Variants in MAN2A1 observed in about 807,000 individuals in gnomAD.
The protein encoded by MAN2A1 is mannosidase alpha class 2A member 1.
MAN2A1 carries 76 observed loss-of-function variants against 142.6 expected under a neutral mutation model. The observed-to-expected ratio is 0.53, with a 90% CI of 0.44 to 0.65. MAN2A1 has a LOEUF of 0.65. MAN2A1 is among the 30% of genes least tolerant of loss of function. The pLI is 0.00. For missense variants in MAN2A1, 1,311 were observed against 1,365.1 expected (o/e 0.96, Z 0.62); for synonymous variants, 559 against 473.2 (o/e 1.18, Z -2.35).
In MAN2A1 at chr5:109,865,042, A is replaced by C. The variant is rs755466507; in HGVS notation, c.3178A>C (p.Asn1060His). 5.6e-6 allele frequency: 9 copies of C among 1,613,518 alleles called. No individual in the cohort carries two copies. In the South Asian group the frequency reaches 7.7e-5, roughly 14 times the overall value. The change falls in exon 21 of 22, where the codon AAT becomes CAT. Residue 1060 changes from asparagine to histidine, a missense_variant. By Grantham distance (68) the Asn-to-His change is moderately conservative (BLOSUM62 1). This residue lies in a region of MAN2A1 where 890 missense variants were observed against 920.5 expected (regional missense o/e 0.97). Coordinates refer to ENST00000261483, the MANE Select transcript of MAN2A1 (RefSeq NM_002372.4). Reference sequence around the variant, plus strand: ...GCATTCTGCTCATTTGCAGGTGGGCAATGGGCACTCCAATGAGGCAGCCTT... The same window carrying C: ...GCATTCTGCTCATTTGCAGGTGGGCCATGGGCACTCCAATGAGGCAGCCTT... The part of the protein sequence containing the change: ...NLRTIQSKVG[N>H]GHSNEAALIL...
chr5:109,698,400 G>A (rs918033198), intron 1 of MAN2A1, among the ~76,000 whole-genome samples: 1 of 152,188 alleles, frequency 6.6e-6, no homozygotes, highest in African/African-American at 2.4e-5. Context: ...CTGTGTTGCT[G>A]TGACACAGGC....
intron 12 of MAN2A1, among the ~76,000 whole-genome samples, chr5:109,802,019 ACATT>A (rs1754045136): frequency 6.6e-6 from 1 of 152,178 alleles, no homozygotes; most frequent in South Asian, 2.1e-4. Flanking sequence ...TTTGATTCAT[ACATT>A]CATTCATTCA....
chr5:109,691,465 C>T (rs1340989227), intron 1 of MAN2A1, among the ~76,000 whole-genome samples: 1 of 152,112 alleles, frequency 6.6e-6, no homozygotes, highest in African/African-American at 2.4e-5. Flanking sequence ...GAACTCAAAC[C>T]CTGACAGGGC....
chr5:109,706,579 T>C (rs1381068062), intron 1 of MAN2A1, among the ~76,000 whole-genome samples: 2 of 152,196 alleles, frequency 1.3e-5, no homozygotes, highest in Non-Finnish European at 2.9e-5. Context: ...CAGGAGCCAA[T>C]GCTTAGCCAT....
chr5:109,852,148 A>AC (rs1010705037), intron 19 of MAN2A1, among the ~76,000 whole-genome samples: 6 of 144,152 alleles, frequency 4.2e-5, no homozygotes, highest in Admixed American at 1.3e-4. Context: ...TAAAAACAAA[A>AC]AAAAAAAAAC....
intron 15 of MAN2A1, among the ~76,000 whole-genome samples, chr5:109,821,677 C>T (rs115600778): frequency 3.3e-5 from 5 of 151,936 alleles, no homozygotes; most frequent in South Asian, 2.1e-4. Flanking sequence ...TAAGGTTGAA[C>T]GTTTTTGTAC....
intron 8 of MAN2A1, among the ~76,000 whole-genome samples, chr5:109,778,827 AT>A (rs1186458382): frequency 6.6e-6 from 1 of 152,092 alleles, no homozygotes; most frequent in East Asian, 1.9e-4. Flanking sequence ...GGAAGCATAA[AT>A]TTAATATTTT....
chr5:109,828,948 T>C (rs1039727907), intron 16 of MAN2A1, among the ~76,000 whole-genome samples: 4 of 152,238 alleles, frequency 2.6e-5, no homozygotes, highest in Admixed American at 6.5e-5. Context: ...AGTGGATTTA[T>C]AACCTGACTC....
chr5:109,834,564 C>T (rs1580301648), intron 16 of MAN2A1, among the ~76,000 whole-genome samples: 1 of 152,208 alleles, frequency 6.6e-6, no homozygotes, highest in East Asian at 1.9e-4. Context: ...AAATGCCATA[C>T]CTTTCCTATT....
chr5:109,741,221 A>T (rs1044742227), intron 4 of MAN2A1, among the ~76,000 whole-genome samples: 1 of 152,190 alleles, frequency 6.6e-6, no homozygotes, highest in Non-Finnish European at 1.5e-5. Flanking sequence ...AGATTAGTGC[A>T]GATGAATTCT....
intron 4 of MAN2A1, among the ~76,000 whole-genome samples, chr5:109,745,816 A>G (rs974357978): frequency 6.6e-5 from 10 of 152,240 alleles, no homozygotes; most frequent in Admixed American, 2.0e-4. Flanking sequence ...AGGTTTTACT[A>G]TATTTCACAG....
chr5:109,743,526 A>G (rs1223524286), intron 4 of MAN2A1, among the ~76,000 whole-genome samples: 5 of 152,184 alleles, frequency 3.3e-5, no homozygotes, highest in Admixed American at 3.3e-4. Flanking sequence ...GACCCAAGCC[A>G]GGCAGTCTTG....
intron 20 of MAN2A1, 59 bp from the exon 21 acceptor site, chr5:109,864,977 G>T: frequency 8.9e-7 from 1 of 1,128,244 alleles, no homozygotes. Context: ...GGTGTGTGAA[G>T]TACCATAAAT....
intron 10 of MAN2A1, among the ~76,000 whole-genome samples, chr5:109,787,913 G>A (rs1326668315): frequency 6.6e-6 from 1 of 151,736 alleles, no homozygotes; most frequent in Non-Finnish European, 1.5e-5. Flanking sequence ...TAAGATTTTA[G>A]CATTAAAATT....
At chr5:109,710,981 C>T (rs1399737867) in intron 1 of MAN2A1, among the ~76,000 whole-genome samples, 2 of 151,936 alleles carry the variant, frequency 1.3e-5, no homozygotes, top group Non-Finnish European at 2.9e-5. Context: ...TGAGCCACCG[C>T]GCTCAGCCGC....
At chr5:109,829,297 C>T (rs1448691100) in intron 16 of MAN2A1, among the ~76,000 whole-genome samples, 1 of 152,178 alleles carries the variant, frequency 6.6e-6, no homozygotes, top group Non-Finnish European at 1.5e-5. Flanking sequence ...AATGATTTTC[C>T]ATTCAAACTG....
intron 12 of MAN2A1, among the ~76,000 whole-genome samples, chr5:109,801,712 C>A (rs1424437235): frequency 6.6e-6 from 1 of 152,078 alleles, no homozygotes; most frequent in African/African-American, 2.4e-5. Context: ...CTGAATAAAT[C>A]AGTAATGGTT....
intron 12 of MAN2A1, among the ~76,000 whole-genome samples, chr5:109,803,362 C>T (rs1201666052): frequency 6.6e-6 from 1 of 151,972 alleles, no homozygotes. Flanking sequence ...TTAAGTCAAA[C>T]TTTCTTAATT....
At chr5:109,698,969 A>G (rs535311816) in intron 1 of MAN2A1, among the ~76,000 whole-genome samples, 5 of 151,656 alleles carry the variant, frequency 3.3e-5, no homozygotes, top group African/African-American at 1.2e-4. Context: ...CTCTGTTTTG[A>G]TTTTTGTTTC....
Sources: gnomAD v4.1 joint callset for allele counts (sites outside exome capture counted in the v4.1 genomes callset) on GRCh38, gnomAD v4.1.1 for gene constraint, gnomAD v4.1.1 regional missense constraint, MANE v1.5 for transcripts, NCBI Gene and HGNC (gene_info 2026-07-23, HGNC 2026-07-21) for gene names.